Variants in JAKMIP3 observed in about 807,000 individuals in gnomAD.
JAKMIP3 encodes the protein Janus kinase and microtubule interacting protein 3.
In JAKMIP3, 58 loss-of-function variants were observed where a neutral mutation model predicts 118.5. The ratio of observed to expected loss-of-function variants is 0.49; its 90% confidence interval spans 0.40 to 0.61. The LOEUF (loss-of-function observed/expected upper bound fraction) is 0.61. JAKMIP3 is among the 20% of genes least tolerant of loss of function. JAKMIP3 has a pLI of 0.00. For missense variants in JAKMIP3, 950 were observed against 1,109.0 expected (o/e 0.86, Z 2.04); for synonymous variants, 486 against 451.2 (o/e 1.08, Z -0.98).
At chr10:132,074,902 C>T (rs1165243130) in intron 1 of JAKMIP3, among the ~76,000 whole-genome samples, 1 of 152,118 alleles carries the variant, frequency 6.6e-6, no homozygotes, top group Non-Finnish European at 1.5e-5. Flanking sequence ...TTATGGCTAT[C>T]CATTTTTCCC....
At chr10:132,067,563 T>C (rs61865704) in intron 1 of JAKMIP3, among the ~76,000 whole-genome samples, 91,281 of 151,882 alleles carry the variant, frequency 0.6, 27,738 homozygotes, top group Admixed American at 0.72. Context: ...GTCCTATACA[T>C]GTTCTTGGAA....
intron 5 of JAKMIP3, among the ~76,000 whole-genome samples, chr10:132,135,528 G>A (rs2814181): frequency 0.37 from 56,746 of 152,146 alleles, 11,831 homozygotes; most frequent in Non-Finnish European, 0.48. Context: ...GAGCTGTCAC[G>A]TGTCTGCAAG....
intron 6 of JAKMIP3, 80 bp from the exon 7 acceptor site, chr10:132,136,939 A>G: frequency 7.4e-6 from 11 of 1,496,088 alleles, no homozygotes; most frequent in Non-Finnish European, 9.9e-6. Flanking sequence ...GTTGAGGGAG[A>G]AGACCCCCCC....
chr10:132,129,806 C>T lies in JAKMIP3; in HGVS notation c.634-3506C>T, dbSNP rs569920563. On this transcript the variant is annotated intron_variant, in intron 3 of 23. Transcript: ENST00000684848. ...TTGTTCAGCTTCTAGACTTGTTCAT[C>T]GCAGAAGGGTAAGTCTAATGCCAAC... is the stretch of plus-strand genomic sequence containing the variant. 4.6e-5 allele frequency among the ~76,000 whole-genome samples: 7 copies of T among 151,970 alleles called. No individual in the cohort carries two copies. In the South Asian group the frequency reaches 6.2e-4, roughly 14 times the overall value.
At chr10:132,169,664 CTCCCCCACCTCCG>C (rs1162116163) in intron 23 of JAKMIP3, among the ~76,000 whole-genome samples, 1 of 152,152 alleles carries the variant, frequency 6.6e-6, no homozygotes, top group African/African-American at 2.4e-5. Flanking sequence ...AGCGCTCCAT[CTCCCCCACCTCCG>C]ACCCACACCG....
At position 132,044,908 on chromosome 10, in the gene JAKMIP3, T is replaced by C. The variant is rs999792968; in HGVS notation, c.-138+8170T>C. On this transcript the variant is annotated intron_variant, in intron 1 of 23. Transcript: ENST00000657785. This position sits in a 1 kb window ranked among gnomAD's most constrained non-coding sequence, Gnocchi z 5.3. ...TGTGTGTGACTGGCGTGCTTCACCG[T>C]GTTGCATGCGCGTCAGGATTTCCTT... is the stretch of plus-strand genomic sequence containing the variant. 1.3e-5 allele frequency among the ~76,000 whole-genome samples: 2 copies of C among 151,468 alleles called. No homozygotes were observed. The highest frequency in any genetic ancestry group is 1.5e-5 in the Non-Finnish European group (1 of 67,890).
rs2047019566 is a variant in JAKMIP3, at chr10:132,112,482, G to T, written c.136-4595G>T. 6.6e-6 allele frequency among the ~76,000 whole-genome samples: 1 copy of T among 152,172 alleles called. No individual in the cohort carries two copies. The highest frequency in any genetic ancestry group is 6.5e-5 in the Admixed American group (1 of 15,280). On this transcript the variant is annotated intron_variant, in intron 2 of 23. Coordinates refer to ENST00000684848, the MANE Select transcript of JAKMIP3 (RefSeq NM_001323087.2). The surrounding 1 kb of genome is among the most constrained non-coding windows in gnomAD (Gnocchi z 4.3). Reference sequence around the variant, plus strand: ...CGCCTCTGTTCTTTCGGGCTGTTAGGTTTTAAGAAGGGTCTCTTTTCCTGG... The same window carrying T: ...CGCCTCTGTTCTTTCGGGCTGTTAGTTTTTAAGAAGGGTCTCTTTTCCTGG...
chr10:132,064,977 C>A (rs181591428), upstream of JAKMIP3, among the ~76,000 whole-genome samples: 2 of 152,086 alleles, frequency 1.3e-5, no homozygotes, highest in African/African-American at 2.4e-5. The surrounding 1 kb of genome is among the most constrained non-coding windows in gnomAD (Gnocchi z 4.4). Context: ...TGAGGCAGAG[C>A]GGGCTGGGAG....
chr10:132,078,632 G>T (rs944367407), intron 1 of JAKMIP3, among the ~76,000 whole-genome samples: 10 of 146,756 alleles, frequency 6.8e-5, no homozygotes, highest in South Asian at 6.5e-4. Flanking sequence ...GGGGGGGGGG[G>T]GGTCCCGTTT....
intron 9 of JAKMIP3, among the ~76,000 whole-genome samples, chr10:132,139,763 G>C (rs1310875065): frequency 6.6e-6 from 1 of 152,192 alleles, no homozygotes; most frequent in Non-Finnish European, 1.5e-5. Flanking sequence ...GGGGAAGTCG[G>C]GTGGCCCTGG....
chr10:132,101,346 A>AC (rs1281838624), intron 1 of JAKMIP3, among the ~76,000 whole-genome samples: 6 of 151,960 alleles, frequency 3.9e-5, no homozygotes, highest in African/African-American at 1.2e-4. Flanking sequence ...GCAAGGACCG[A>AC]CCCCCCAACC....
intron 19 of JAKMIP3, among the ~76,000 whole-genome samples, chr10:132,154,925 GGATGGTGAT>G (rs1160796229): frequency 6.8e-4 from 7 of 10,240 alleles, no homozygotes; most frequent in Non-Finnish European, 1.4e-3. Context: ...GGTGGTAGTG[GGATGGTGAT>G]GATGGTGATT....
intron 1 of JAKMIP3, among the ~76,000 whole-genome samples, chr10:132,089,305 G>A (rs924901209): frequency 7.9e-5 from 12 of 152,120 alleles, no homozygotes; most frequent in Admixed American, 5.2e-4. Flanking sequence ...GGGCAGTATG[G>A]CCATTTTCAC....
chr10:132,169,006 C>T lies in JAKMIP3; in HGVS notation c.*1076C>T, dbSNP rs2637649. On this transcript the variant is annotated 3_prime_UTR_variant, in exon 23 of 24. Transcript: ENST00000684848. The stretch of plus-strand genomic sequence containing the variant: ...CCTCCCGCCCTGTGTGGGGACGCTG[C>T]ACGAGCCGTGGACCAAGAGGCTGAC... The T allele has an allele frequency of 0.077, 12,000 of 155,798 alleles. 525 individuals are homozygous for T. The highest frequency in any genetic ancestry group is 0.13 in the Middle Eastern group (39 of 292). 9.7% of individuals were successfully genotyped at this position (155,798 alleles called of 1,614,324 possible). A position where few individuals can be genotyped will look rare whatever the true frequency, so the allele number is the denominator to read the frequency against.
At chr10:132,159,604 C>A (rs2057675907) in intron 19 of JAKMIP3, among the ~76,000 whole-genome samples, 1 of 85,372 alleles carries the variant, frequency 1.2e-5, no homozygotes, top group Admixed American at 1.8e-4. Flanking sequence ...GCATGTCTTC[C>A]TATGTGATGC....
At chr10:132,139,585 C>G (rs2053038684) in intron 9 of JAKMIP3, among the ~76,000 whole-genome samples, 1 of 152,176 alleles carries the variant, frequency 6.6e-6, no homozygotes, top group African/African-American at 2.4e-5. Context: ...GCTCCTCGGT[C>G]ACAAACACTT....
At chr10:132,180,688 TGTGCGTGC>T (rs1173794771) in intron 23 of JAKMIP3, among the ~76,000 whole-genome samples, 2 of 24,082 alleles carry the variant, frequency 8.3e-5, no homozygotes, top group Non-Finnish European at 1.7e-4. Flanking sequence ...CGCGCGTGTG[TGTGCGTGC>T]GTGTGTGTGT....
chr10:132,151,010 C>G (rs1229191609), intron 16 of JAKMIP3, among the ~76,000 whole-genome samples: 1 of 151,988 alleles, frequency 6.6e-6, no homozygotes, highest in Admixed American at 6.6e-5. Flanking sequence ...TGTCCTCTAT[C>G]CACCATCCTC....
chr10:132,139,847 G>T (rs1039883011), intron 9 of JAKMIP3, among the ~76,000 whole-genome samples: 1 of 152,120 alleles, frequency 6.6e-6, no homozygotes, highest in Non-Finnish European at 1.5e-5. Context: ...CTGTGGCCAC[G>T]GCAGAAGGGA....
Sources: allele counts gnomAD v4.1 joint callset (sites outside exome capture counted in the v4.1 genomes callset), GRCh38; gene constraint gnomAD v4.1.1; non-coding constraint Gnocchi (gnomAD v3.1); transcripts MANE v1.5; gene names NCBI Gene and HGNC (gene_info 2026-07-23, HGNC 2026-07-21).